The following PRRG1 variants were observed in gnomAD, a reference collection of about 807,000 sequenced individuals.
PRRG1 encodes the protein proline rich and Gla domain 1.
In PRRG1, 5 loss-of-function variants were observed where a neutral mutation model predicts 11.8. The observed-to-expected ratio is 0.42, with a 90% confidence interval of 0.22 to 0.89. PRRG1 has a LOEUF of 0.89. Among genes scored for constraint, PRRG1 ranks in the 40% least tolerant of loss-of-function variants. The pLI is 0.28. For missense variants in PRRG1, 155 were observed against 166.1 expected (o/e 0.93, Z 0.37); for synonymous variants, 66 against 60.4 (o/e 1.09, Z -0.43).
chrX:37,440,767 A>T, intron 3 of PRRG1: 4 of 508,718 alleles, frequency 7.9e-6, no homozygotes, highest in Non-Finnish European at 1.4e-5. Context: ...ATTTTATTTT[A>T]TTATTGTTTT....
At chrX:37,402,953 T>C (rs1932054371) in intron 1 of PRRG1, among the ~76,000 whole-genome samples, 1 of 111,497 alleles carries the variant, frequency 9.0e-6, no homozygotes, top group Admixed American at 9.5e-5. Flanking sequence ...CCACTTAGAA[T>C]GGCAATCATT....
At chrX:37,381,890 A>G (rs1931165305) in intron 1 of PRRG1, among the ~76,000 whole-genome samples, 1 of 111,775 alleles carries the variant, frequency 8.9e-6, no homozygotes, top group East Asian at 2.8e-4. Flanking sequence ...ATTTTATATA[A>G]GATAATTTGT....
At chrX:37,377,963 C>T (rs2146538077) in intron 1 of PRRG1, among the ~76,000 whole-genome samples, 1 of 111,444 alleles carries the variant, frequency 9.0e-6, no homozygotes, top group South Asian at 3.8e-4. Flanking sequence ...GCCTTTTTCT[C>T]CTTCAGGTAA....
intron 3 of PRRG1, chrX:37,442,295 G>C (rs1932997658): frequency 1.5e-6 from 1 of 678,112 alleles, no homozygotes; most frequent in African/African-American, 2.4e-5. Context: ...CCCCATGCAG[G>C]CTTAAAGTAG....
At chrX:37,401,413 G>T (rs1931971600) in intron 1 of PRRG1, among the ~76,000 whole-genome samples, 1 of 111,270 alleles carries the variant, frequency 9.0e-6, no homozygotes, top group Non-Finnish European at 1.9e-5. Context: ...ATGCAGAAAA[G>T]ACCTTTGACA....
At chrX:37,365,177 G>A (rs376029056) in intron 1 of PRRG1, among the ~76,000 whole-genome samples, 54 of 111,413 alleles carry the variant, frequency 4.8e-4, no homozygotes, top group African/African-American at 1.6e-3. Context: ...AAGGAGTCGG[G>A]GGCTCCTTGC....
chrX:37,366,836 A>G (rs1930585633), intron 1 of PRRG1, among the ~76,000 whole-genome samples: 1 of 111,419 alleles, frequency 9.0e-6, no homozygotes, highest in South Asian at 3.8e-4. Context: ...ATTACTCTGA[A>G]TTGCTTTTCT....
chrX:37,373,294 C>T (rs1214023550), intron 1 of PRRG1, among the ~76,000 whole-genome samples: 7 of 111,744 alleles, frequency 6.3e-5, no homozygotes, highest in Non-Finnish European at 1.3e-4. Flanking sequence ...TGTAGTTCAA[C>T]ATGAATTTTA....
At position 37,371,687 on chromosome X, in the gene PRRG1, G is replaced by A. The variant is rs185861804; in HGVS notation, c.-42+22292G>A. 3.7e-4 allele frequency among the ~76,000 whole-genome samples: 42 copies of A among 113,092 alleles called. 1 individual carries two copies. The East Asian group carries it at 0.011, about 31-fold the overall frequency. On this transcript the variant is annotated intron_variant, in intron 1 of 3. Transcript: ENST00000378628. ...CAGCCGTGGAAGCTGCTTGCAGTAC[G>A]CCTGGCCCAGCCACAGCCTTGCAGG... is the stretch of plus-strand genomic sequence containing the variant.
chrX:37,350,367 G>C lies in PRRG1; in HGVS notation c.-42+972G>C, dbSNP rs1421228466. Reference sequence around the variant, plus strand: ...CTTAGAGCTTAATTATTTGTCTGTTGATGGTCATACTATAAAGCCAGACTT... The same window carrying C: ...CTTAGAGCTTAATTATTTGTCTGTTCATGGTCATACTATAAAGCCAGACTT... On this transcript the variant is annotated intron_variant, in intron 1 of 3. Transcript: ENST00000378628. Among the ~76,000 whole-genome samples, 24 of 111,682 alleles carry C rather than the reference G, an allele frequency of 2.1e-4. 1 individual carries two copies. Among genetic ancestry groups the C allele is most frequent in the African/African-American group, 7.5e-4 (23 of 30,651 alleles).
chrX:37,453,586 A>G lies in PRRG1; in HGVS notation c.622A>G (p.Ile208Val). Residue 208 changes from isoleucine (I) to valine (V), a missense_variant, in exon 4 of 4, where the codon ATT (isoleucine) becomes GTT (valine). By Grantham distance (29) the Ile-to-Val change is conservative (BLOSUM62 3). Coordinates refer to ENST00000378628, the MANE Select transcript of PRRG1 (RefSeq NM_001142395.2). ...DIVNSNSASA[I>V]PMVPVVTTIK Reference sequence around the variant, plus strand: ...AGTCAACTCCAACTCAGCCAGTGCCATTCCTATGGTGCCTGTGGTCACCAC... The same window carrying G: ...AGTCAACTCCAACTCAGCCAGTGCCGTTCCTATGGTGCCTGTGGTCACCAC... The G allele has an allele frequency of 8.4e-7, 1 of 1,197,166 alleles. No individual in the cohort carries two copies. The highest frequency in any genetic ancestry group is 1.7e-5 in the African/African-American group (1 of 57,408).
At chrX:37,447,091 C>G (rs187564019) in intron 3 of PRRG1, among the ~76,000 whole-genome samples, 17 of 111,395 alleles carry the variant, frequency 1.5e-4, no homozygotes, top group Non-Finnish European at 3.2e-4. Context: ...CAAAACATAA[C>G]AAAAGTATCA....
At chrX:37,376,881 A>G (rs1277814300) in intron 1 of PRRG1, among the ~76,000 whole-genome samples, 2 of 108,788 alleles carry the variant, frequency 1.8e-5, no homozygotes, top group East Asian at 2.9e-4. Flanking sequence ...GTAGCTTTTC[A>G]CAGAATCTGT....
intron 1 of PRRG1, among the ~76,000 whole-genome samples, chrX:37,368,055 A>G (rs1190102172): frequency 8.9e-6 from 1 of 112,103 alleles, no homozygotes; most frequent in Non-Finnish European, 1.9e-5. Flanking sequence ...AATACACTCC[A>G]TATGATTCCT....
chrX:37,399,172 A>G (rs1162722379), intron 1 of PRRG1, among the ~76,000 whole-genome samples: 1 of 111,173 alleles, frequency 9.0e-6, no homozygotes, highest in Non-Finnish European at 1.9e-5. Context: ...TCCAAGACAC[A>G]TAATTGTCAG....
chrX:37,456,792 A>G lies in PRRG1; in HGVS notation c.*3171A>G, dbSNP rs915931826. The G allele has an allele frequency of 1.8e-5, 2 of 111,882 alleles. No individual in the cohort carries two copies. The highest frequency in any genetic ancestry group is 1.9e-4 in the Admixed American group (2 of 10,555). The allele number at this position is 111,882 out of a possible 1,213,427, so 9.2% of individuals were successfully genotyped here. On this transcript the variant is annotated 3_prime_UTR_variant, in exon 4 of 4. Coordinates refer to ENST00000378628, the MANE Select transcript of PRRG1 (RefSeq NM_001142395.2). ...CATTCACCTTTGATTGTTTTTTAAA[A>G]GTTTATTTTTACAGAATATATTTAG...
rs181074545 is a variant in PRRG1, at chrX:37,442,156, C to T, written c.172-10980C>T. On this transcript the variant is annotated intron_variant, in intron 3 of 3. Transcript: ENST00000378628. ...GGGCGTGCATGTTGCCCTTTCAGAA[C>T]GTTCTCTTCAATTTTTTTCCTTTCA... The T allele has an allele frequency of 4.5e-5, 34 of 753,889 alleles. No homozygotes were observed. The East Asian group carries it at 4.0e-3, about 88-fold the overall frequency. The allele number at this position is 753,889 out of a possible 1,213,427, so 62.1% of individuals were successfully genotyped here.
chrX:37,452,272 A>G (rs1921169675), intron 3 of PRRG1, among the ~76,000 whole-genome samples: 1 of 111,935 alleles, frequency 8.9e-6, no homozygotes, highest in South Asian at 3.8e-4. Flanking sequence ...CAGGGACTTA[A>G]TTAGACATGT....
intron 1 of PRRG1, among the ~76,000 whole-genome samples, chrX:37,384,998 T>C (rs111431641): frequency 0.094 from 10,479 of 110,997 alleles, 1,197 homozygotes; most frequent in African/African-American, 0.32. Context: ...TAGGCATACA[T>C]CCAACAGAAA....
Sources: allele counts gnomAD v4.1 joint callset (sites outside exome capture counted in the v4.1 genomes callset), GRCh38; gene constraint gnomAD v4.1.1; transcripts MANE v1.5; gene names NCBI Gene and HGNC (gene_info 2026-07-23, HGNC 2026-07-21).